The following CEP112 variants were observed in gnomAD, a reference collection of about 807,000 sequenced individuals.
CEP112 encodes centrosomal protein of 112 kDa.
In CEP112, 127 loss-of-function variants were observed where a neutral mutation model predicts 153.0. The observed-to-expected ratio is 0.83, with a 90% confidence interval of 0.72 to 0.96. CEP112 has a LOEUF of 0.96. Ranked by LOEUF, CEP112 falls within the 40% of genes least tolerant of loss-of-function variation. The probability of loss-of-function intolerance (pLI) is 0.00; values close to 1 mark genes in which losing one functional copy is unlikely to be tolerated. For missense variants in CEP112, 1,089 were observed against 1,101.2 expected, an observed-to-expected ratio of 0.99 and a Z score of 0.16; for synonymous variants, 358 against 374.4, an observed-to-expected ratio of 0.96 and a Z score of 0.51.
chr17:65,927,933 G>A (rs1340969902), intron 18 of CEP112, among the ~76,000 whole-genome samples: 1 of 151,990 alleles, frequency 6.6e-6, no homozygotes, highest in Non-Finnish European at 1.5e-5. Context: ...ATAATGCAGT[G>A]AAAATATAAT....
chr17:65,840,477 A>C (rs1568098981), intron 21 of CEP112, among the ~76,000 whole-genome samples: 1 of 152,132 alleles, frequency 6.6e-6, no homozygotes, highest in Admixed American at 6.5e-5. Context: ...CCAGGACCCT[A>C]TCTCTCACCA....
At chr17:65,865,437 T>C (rs2058451804) in intron 20 of CEP112, among the ~76,000 whole-genome samples, 1 of 152,202 alleles carries the variant, frequency 6.6e-6, no homozygotes, top group Non-Finnish European at 1.5e-5. Flanking sequence ...GCGTACTATA[T>C]TGAGGAGGGC....
At chr17:65,702,411 G>T (rs1221650998) in intron 23 of CEP112, among the ~76,000 whole-genome samples, 1 of 152,080 alleles carries the variant, frequency 6.6e-6, no homozygotes, top group Non-Finnish European at 1.5e-5. Flanking sequence ...TCAATATACA[G>T]GAATCCCCAT....
chr17:66,075,247 T>C (rs892405929), intron 8 of CEP112, among the ~76,000 whole-genome samples: 3 of 152,106 alleles, frequency 2.0e-5, no homozygotes, highest in Non-Finnish European at 4.4e-5. Context: ...ACTATGACAA[T>C]AGCACAAGTG....
At chr17:65,776,441 G>A (rs2053683808) in intron 21 of CEP112, among the ~76,000 whole-genome samples, 1 of 152,142 alleles carries the variant, frequency 6.6e-6, no homozygotes, top group East Asian at 1.9e-4. Context: ...TAGCCCGGAT[G>A]GTCTCGATCT....
At chr17:65,803,976 GT>G (rs2145846503) in intron 21 of CEP112, among the ~76,000 whole-genome samples, 1 of 152,252 alleles carries the variant, frequency 6.6e-6, no homozygotes, top group Non-Finnish European at 1.5e-5. Flanking sequence ...TGTAGCACAA[GT>G]TTAACCTCAA....
chr17:65,915,078 C>T (rs570362449), intron 19 of CEP112, among the ~76,000 whole-genome samples: 23 of 152,282 alleles, frequency 1.5e-4, no homozygotes, highest in African/African-American at 5.5e-4. Flanking sequence ...TTAGACCTTC[C>T]TTTTACCTCA....
chr17:66,092,927 A>C lies in CEP112; in HGVS notation c.768+3324T>G, dbSNP rs141265265. Among the ~76,000 whole-genome samples, 3 of 152,326 alleles carry C rather than the reference A, an allele frequency of 2.0e-5. No homozygotes were observed. In the East Asian group the frequency reaches 5.8e-4, roughly 29 times the overall value. ...ATAACAATATATTCAACAGTGAAAA[A>C]CTGAAAGCTTTTCCTCTAAGATCAG... On this transcript the variant is annotated intron_variant, in intron 8 of 26. Coordinates refer to ENST00000535342, the MANE Select transcript of CEP112 (RefSeq NM_001199165.4).
At chr17:65,942,452 A>G (rs1439573682) in intron 18 of CEP112, among the ~76,000 whole-genome samples, 1 of 152,144 alleles carries the variant, frequency 6.6e-6, no homozygotes, top group Admixed American at 6.5e-5. Flanking sequence ...CTACATTGGC[A>G]GCTCAAAGAT....
At chr17:65,702,202 C>G (rs887905344) in intron 23 of CEP112, among the ~76,000 whole-genome samples, 1 of 152,088 alleles carries the variant, frequency 6.6e-6, no homozygotes, top group Non-Finnish European at 1.5e-5. Context: ...TGACTCCACT[C>G]TACGTCCTGA....
chr17:65,729,093 G>T (rs1341023272), intron 23 of CEP112, among the ~76,000 whole-genome samples: 1 of 152,052 alleles, frequency 6.6e-6, no homozygotes, highest in Admixed American at 6.6e-5. Flanking sequence ...TTATTTGACA[G>T]ATAATAATTG....
intron 20 of CEP112, among the ~76,000 whole-genome samples, chr17:65,879,540 A>AATGTG (rs2058977460): frequency 6.6e-6 from 1 of 152,212 alleles, no homozygotes; most frequent in South Asian, 2.1e-4. Flanking sequence ...CCCTTTCGTA[A>AATGTG]ATGTGACTCA....
chr17:65,937,624 T>A (rs1387065073), intron 18 of CEP112, among the ~76,000 whole-genome samples: 4 of 55,500 alleles, frequency 7.2e-5, no homozygotes, highest in East Asian at 2.9e-3. Context: ...GGTGGGGGGG[T>A]CAGCCCCCCG....
At chr17:65,768,189 C>A (rs538888577) in intron 21 of CEP112, among the ~76,000 whole-genome samples, 1 of 152,142 alleles carries the variant, frequency 6.6e-6, no homozygotes, top group Admixed American at 6.5e-5. Context: ...ATTTATCCTA[C>A]ACTTTATTTT....
At chr17:65,775,705 G>A (rs1367199322) in intron 21 of CEP112, among the ~76,000 whole-genome samples, 1 of 152,046 alleles carries the variant, frequency 6.6e-6, no homozygotes, top group Non-Finnish European at 1.5e-5. Flanking sequence ...ATTTCACCAT[G>A]TTGACTAGGC....
intron 23 of CEP112, among the ~76,000 whole-genome samples, chr17:65,740,186 G>A (rs925236497): frequency 2.6e-5 from 4 of 152,020 alleles, no homozygotes; most frequent in South Asian, 2.1e-4. Context: ...GCTCTCCAAC[G>A]TCATTTCCTA....
rs754849136 is a variant in CEP112 at position 66,175,046 on chromosome 17, G to A, written c.468C>T (p.Tyr156=). The A allele has an allele frequency of 6.3e-7, 1 of 1,594,888 alleles. No homozygotes were observed. The highest frequency in any genetic ancestry group is 1.7e-5 in the Admixed American group (1 of 57,498). ...NTLVQSPTDV[Y]SREQYTGKLR... is the part of the protein sequence containing the mutation. ...AAAATCCCATTCTCTTTACATACCT[G>A]TAGACATCAGTTGGCGACTGTACTA... is the stretch of plus-strand genomic sequence containing the variant. The change falls in exon 4 of 27, where the codon TAC becomes TAT. Residue 156 remains tyrosine, a splice_region_variant and synonymous_variant. Transcript: ENST00000535342.
At chr17:65,804,416 A>G (rs1182540623) in intron 21 of CEP112, 2 of 152,166 alleles carry the variant, frequency 1.3e-5, no homozygotes, top group African/African-American at 4.8e-5. Flanking sequence ...TTGAAGCCCC[A>G]TATCGACACA....
At chr17:65,730,755 C>T (rs2050458711) in intron 23 of CEP112, among the ~76,000 whole-genome samples, 1 of 148,926 alleles carries the variant, frequency 6.7e-6, no homozygotes, top group Admixed American at 6.7e-5. Context: ...ATGAAATATT[C>T]TACAACCCCC....
Sources: allele counts gnomAD v4.1 joint callset (sites outside exome capture counted in the v4.1 genomes callset), GRCh38; gene constraint gnomAD v4.1.1; transcripts MANE v1.5; gene names NCBI Gene and HGNC (gene_info 2026-07-23, HGNC 2026-07-21).